Variants in RBFOX2 observed in about 807,000 individuals in gnomAD.
RBFOX2 encodes the protein RNA binding protein fox-1 homolog 2.
In RBFOX2, 10 loss-of-function variants were observed where a neutral mutation model predicts 49.1. The observed-to-expected ratio is 0.20, with a 90% confidence interval of 0.13 to 0.35. RBFOX2 has a LOEUF of 0.35. Among genes scored for constraint, RBFOX2 ranks in the 10% least tolerant of loss-of-function variants. RBFOX2 has a pLI of 1.00. For missense variants in RBFOX2, 323 were observed against 486.9 expected (o/e 0.66, Z 3.17); for synonymous variants, 183 against 187.4 (o/e 0.98, Z 0.19).
intron 2 of RBFOX2, among the ~76,000 whole-genome samples, chr22:35,788,609 G>A (rs914716478): frequency 2.4e-4 from 36 of 152,208 alleles, no homozygotes; most frequent in Admixed American, 1.9e-3. Context: ...GAATTTTGAA[G>A]ATAACTCTCA....
At chr22:35,977,761 T>TATATATATATATATATAC (rs1259422253) in intron 1 of RBFOX2, among the ~76,000 whole-genome samples, 5 of 90,934 alleles carry the variant, frequency 5.5e-5, no homozygotes, top group East Asian at 3.5e-4. Context: ...TATATATATA[T>TATATATATATATATATAC]ACATGCACAC....
chr22:35,821,971 A>G lies in RBFOX2; in HGVS notation c.28-11967T>C, dbSNP rs1354246989. 5.8e-6 allele frequency: 3 copies of G among 518,880 alleles called. No individual in the cohort carries two copies. The Admixed American group carries it at 5.8e-5, about 10-fold the overall frequency. The allele number at this position is 518,880 out of a possible 1,614,324, so 32.1% of individuals were successfully genotyped here. A position where few individuals can be genotyped will look rare whatever the true frequency, so the allele number is the denominator to read the frequency against. On this transcript the variant is annotated intron_variant, in intron 1 of 11. Coordinates refer to ENST00000405409, the Ensembl canonical transcript of RBFOX2. ...TGGATGGAAAGGACAGAGAAGCAAT[A>G]GCTCTACACAACCTTCCTGAAGACT... is the stretch of plus-strand genomic sequence containing the variant.
intron 1 of RBFOX2, among the ~76,000 whole-genome samples, chr22:36,026,741 C>T (rs1236216837): frequency 6.6e-6 from 1 of 152,142 alleles, no homozygotes; most frequent in Non-Finnish European, 1.5e-5. Context: ...AAAATAAAAG[C>T]AGGCAAACAA....
At chr22:35,942,672 C>G (rs1193201653), upstream of RBFOX2, among the ~76,000 whole-genome samples, 2 of 150,376 alleles carry the variant, frequency 1.3e-5, no homozygotes, top group African/African-American at 4.9e-5. Flanking sequence ...GAGGATCACT[C>G]AAGCCCTGGA....
intron 10 of RBFOX2, 89 bp downstream of exon 12, chr22:35,746,384 T>C: frequency 8.4e-7 from 1 of 1,195,504 alleles, no homozygotes; most frequent in South Asian, 1.5e-5. Context: ...AGAGCTGCTG[T>C]GGAAATGGTG....
At chr22:36,021,551 A>G (rs150501776) in intron 1 of RBFOX2, among the ~76,000 whole-genome samples, 116 of 152,216 alleles carry the variant, frequency 7.6e-4, no homozygotes, top group African/African-American at 2.7e-3. Context: ...ATTAGTGACC[A>G]AAAAATGTTC....
intron 1 of RBFOX2, among the ~76,000 whole-genome samples, chr22:35,950,969 T>C (rs1042463375): frequency 3.3e-5 from 5 of 150,820 alleles, no homozygotes; most frequent in African/African-American, 1.2e-4. Flanking sequence ...TTTTTTTTTT[T>C]TGGAGATAGA....
intron 1 of RBFOX2, among the ~76,000 whole-genome samples, chr22:36,018,506 G>A (rs1009170777): frequency 2.6e-5 from 4 of 152,248 alleles, no homozygotes; most frequent in Non-Finnish European, 5.9e-5. Flanking sequence ...AATGTGGAAA[G>A]AGACGGAGCT....
intron 1 of RBFOX2, among the ~76,000 whole-genome samples, chr22:35,959,865 C>T (rs2056003803): frequency 6.6e-6 from 1 of 152,128 alleles, no homozygotes; most frequent in Admixed American, 6.6e-5. Flanking sequence ...TGCTCAAGTC[C>T]CTGATGTATA....
chr22:36,028,631 G>A (rs2059544119), exon 1 of RBFOX2, among the ~76,000 whole-genome samples: 1 of 145,432 alleles, frequency 6.9e-6, no homozygotes, highest in African/African-American at 2.5e-5. Flanking sequence ...CCGCCCGCCC[G>A]CCCGCCGGGT....
chr22:35,764,600 A>C (rs1029657489), intron 6 of RBFOX2, among the ~76,000 whole-genome samples: 1 of 151,766 alleles, frequency 6.6e-6, no homozygotes, highest in African/African-American at 2.4e-5. Context: ...AAAAAAAAAA[A>C]AAACTCCAGC....
intron 1 of RBFOX2, among the ~76,000 whole-genome samples, chr22:35,838,657 T>C (rs369575003): frequency 6.6e-6 from 1 of 152,222 alleles, no homozygotes; most frequent in Non-Finnish European, 1.5e-5. Context: ...TTGGCTCTCA[T>C]GGCACAGAGG....
chr22:35,881,820 G>A (rs1423399553), intron 1 of RBFOX2, among the ~76,000 whole-genome samples: 3 of 151,620 alleles, frequency 2.0e-5, no homozygotes, highest in East Asian at 1.9e-4. Flanking sequence ...TTAGCCGGGT[G>A]TAGTGGCATG....
At chr22:35,935,528 T>A (rs1330402915) in intron 1 of RBFOX2, among the ~76,000 whole-genome samples, 1 of 152,228 alleles carries the variant, frequency 6.6e-6, no homozygotes, top group Non-Finnish European at 1.5e-5. Context: ...GTATATAACA[T>A]GACAAAAGAA....
intron 1 of RBFOX2, among the ~76,000 whole-genome samples, chr22:35,953,088 G>A (rs777533853): frequency 2.0e-5 from 3 of 151,766 alleles, no homozygotes; most frequent in South Asian, 2.1e-4. Context: ...GCGGGTGCCT[G>A]TAGTTCCAGC....
At chr22:35,905,355 G>T (rs756633110) in intron 1 of RBFOX2, among the ~76,000 whole-genome samples, 2 of 152,150 alleles carry the variant, frequency 1.3e-5, no homozygotes, top group African/African-American at 2.4e-5. Context: ...GGCAAAACCA[G>T]CAAAAGCTCC....
chr22:35,967,480 C>T (rs2056631956), intron 1 of RBFOX2, among the ~76,000 whole-genome samples: 1 of 151,400 alleles, frequency 6.6e-6, no homozygotes, highest in Admixed American at 6.6e-5. Flanking sequence ...ATGAATTAAG[C>T]AAGATTACAT....
intron 1 of RBFOX2, among the ~76,000 whole-genome samples, chr22:35,887,003 C>T (rs907666344): frequency 3.3e-5 from 5 of 152,168 alleles, no homozygotes; most frequent in East Asian, 1.9e-4. Flanking sequence ...GCTTTGACCA[C>T]GCTGATTTTC....
upstream of RBFOX2, among the ~76,000 whole-genome samples, chr22:35,843,332 T>C (rs1055110679): frequency 1.2e-4 from 18 of 152,202 alleles, no homozygotes; most frequent in Admixed American, 1.1e-3. Context: ...GCCTTCTCCA[T>C]GGACAAATCC....
Sources: allele counts gnomAD v4.1 joint callset (sites outside exome capture counted in the v4.1 genomes callset), GRCh38; gene constraint gnomAD v4.1.1; transcripts MANE v1.5; gene names NCBI Gene and HGNC (gene_info 2026-07-23, HGNC 2026-07-21).